Variants in RAPGEF6 observed in about 807,000 individuals in gnomAD.
RAPGEF6 encodes Rap guanine nucleotide exchange factor 6.
A neutral mutation model predicts 171.4 loss-of-function variants in RAPGEF6; 56 were observed. The ratio of observed to expected loss-of-function variants is 0.33; its 90% CI spans 0.26 to 0.41. The LOEUF is 0.41. RAPGEF6 is among the 10% of genes least tolerant of loss of function. The pLI is 1.00. For missense variants in RAPGEF6, 1,674 were observed against 1,921.4 expected (o/e 0.87, Z 2.41); for synonymous variants, 692 against 650.1 (o/e 1.06, Z -0.98).
At chr5:131,510,825 G>A (rs1757668611) in intron 7 of RAPGEF6, among the ~76,000 whole-genome samples, 1 of 152,150 alleles carries the variant, frequency 6.6e-6, no homozygotes, top group African/African-American at 2.4e-5. Context: ...ACTAAAACAT[G>A]AAGTACAGGA....
rs1267506091 is a variant in RAPGEF6 at position 131,592,448 on chromosome 5, T to A, written c.216A>T (p.Arg72Ser). ...ATCCAGAAAGTAGGATATACCAACA[T>A]CTGGCAATCGTTTCTGAACTGTTTA... ...QVLFCSETIA[R>S]CWYILLSGSV... is the part of the protein sequence containing the mutation. Residue 72 changes from arginine (R) to serine (S), a missense_variant, in exon 4 of 28, where the codon AGA becomes AGT. Arg to Ser is a moderately radical substitution (Grantham distance 110). Transcript: ENST00000509018. The A allele has an allele frequency of 6.2e-7, 1 of 1,613,760 alleles. No homozygotes were observed. The highest frequency in any genetic ancestry group is 1.3e-5 in the African/African-American group (1 of 75,038).
At chr5:131,440,077 A>G (rs1752278825) in intron 23 of RAPGEF6, 1 of 385,928 alleles carries the variant, frequency 2.6e-6, no homozygotes, top group Admixed American at 3.5e-5. Context: ...TCCCCTCTAG[A>G]GGTGGCCTCT....
At chr5:131,538,243 A>G (rs1759904403) in intron 6 of RAPGEF6, among the ~76,000 whole-genome samples, 1 of 152,196 alleles carries the variant, frequency 6.6e-6, no homozygotes, top group South Asian at 2.1e-4. Context: ...TTGCTTAACA[A>G]CTGGGGTACA....
chr5:131,599,517 C>T (rs1435448056), intron 3 of RAPGEF6, among the ~76,000 whole-genome samples: 1 of 150,092 alleles, frequency 6.7e-6, no homozygotes, highest in African/African-American at 2.4e-5. Context: ...CACACACACA[C>T]CTACACACAC....
chr5:131,442,099 G>C (rs1012304481), intron 23 of RAPGEF6, among the ~76,000 whole-genome samples: 1 of 152,162 alleles, frequency 6.6e-6, no homozygotes, highest in Admixed American at 6.5e-5. Context: ...TACCCAAAAT[G>C]TATTGCTGTA....
intron 24 of RAPGEF6, among the ~76,000 whole-genome samples, chr5:131,437,189 T>C (rs1752064258): frequency 6.6e-6 from 1 of 152,240 alleles, no homozygotes; most frequent in Non-Finnish European, 1.5e-5. Context: ...GAAGAATTTC[T>C]TCAGGCTTCT....
intron 7 of RAPGEF6, chr5:131,511,217 A>G (rs1757697781): frequency 6.6e-6 from 1 of 152,152 alleles, no homozygotes; most frequent in Non-Finnish European, 1.5e-5. Context: ...TTCATAGAAA[A>G]TAATGAAAAT....
intron 22 of RAPGEF6, among the ~76,000 whole-genome samples, chr5:131,443,903 G>C (rs1313421217): frequency 6.6e-6 from 1 of 152,218 alleles, no homozygotes; most frequent in South Asian, 2.1e-4. Flanking sequence ...ACCAGAGACA[G>C]TGCTTTTATA....
chr5:131,580,630 C>T (rs1762902886), intron 4 of RAPGEF6, among the ~76,000 whole-genome samples: 1 of 152,186 alleles, frequency 6.6e-6, no homozygotes, highest in African/African-American at 2.4e-5. Context: ...TGTGTTTTCT[C>T]ATACACCATG....
chr5:131,555,248 T>C (rs1761160120), intron 5 of RAPGEF6, among the ~76,000 whole-genome samples: 1 of 152,194 alleles, frequency 6.6e-6, no homozygotes, highest in African/African-American at 2.4e-5. Flanking sequence ...TTTGTTATCC[T>C]TTTAGAGGGG....
intron 26 of RAPGEF6, 157 bp downstream of exon 26, chr5:131,430,702 C>A: frequency 1.9e-6 from 2 of 1,066,290 alleles, no homozygotes; most frequent in Non-Finnish European, 2.9e-6. Context: ...TTTGAGAAAC[C>A]ATGAATTTTT....
rs192836064 is a variant in RAPGEF6, at chr5:131,623,998, G to C, written c.69+10964C>G. 3.2e-3 allele frequency among the ~76,000 whole-genome samples: 489 copies of C among 152,290 alleles called. 3 individuals carry two copies. Among genetic ancestry groups the C allele is most frequent in the African/African-American group, 0.011 (465 of 41,562 alleles). On this transcript the variant is annotated intron_variant, in intron 1 of 27. Coordinates refer to ENST00000509018, the MANE Select transcript of RAPGEF6 (RefSeq NM_016340.6). Reference sequence around the variant, plus strand: ...TCTAGGAACACAGAGGAGTGGAAAAGTGAGGAAGGAAGGATGCACAATTCT... The same window carrying C: ...TCTAGGAACACAGAGGAGTGGAAAACTGAGGAAGGAAGGATGCACAATTCT...
chr5:131,629,601 A>G (rs1219053592), intron 1 of RAPGEF6, among the ~76,000 whole-genome samples: 1 of 151,210 alleles, frequency 6.6e-6, no homozygotes, highest in African/African-American at 2.4e-5. Context: ...AAAAAAAAAA[A>G]AAAAATCAGC....
intron 6 of RAPGEF6, among the ~76,000 whole-genome samples, chr5:131,532,560 C>T (rs919211232): frequency 6.6e-6 from 1 of 152,038 alleles, no homozygotes; most frequent in East Asian, 1.9e-4. Context: ...TTTGTCTTTT[C>T]TTCAACTTAT....
chr5:131,430,217 C>A (rs1751613498), intron 26 of RAPGEF6, among the ~76,000 whole-genome samples: 1 of 151,834 alleles, frequency 6.6e-6, no homozygotes, highest in Non-Finnish European at 1.5e-5. Flanking sequence ...GATATTAATT[C>A]AAAGTAGAGT....
At chr5:131,467,941 G>A in intron 17 of RAPGEF6, among the ~76,000 whole-genome samples, 1 of 151,984 alleles carries the variant, frequency 6.6e-6, no homozygotes, top group African/African-American at 2.4e-5. Context: ...TGAGGTGGGA[G>A]GATCACTTGG....
In RAPGEF6 at chr5:131,428,993, T is replaced by C. The variant is rs1751534862; in HGVS notation, c.4689A>G (p.Pro1563=). Residue 1563 remains proline (P), a synonymous_variant, in exon 27 of 28, where the codon CCA becomes CCG. Coordinates refer to ENST00000509018, the MANE Select transcript of RAPGEF6 (RefSeq NM_016340.6). ...TCTGAGGCTGAGTTACAATCTTCGA[T>C]GGAACACAGGCCACGAGGTTGCTAC... The part of the protein sequence containing the change: ...SLSSNLVACV[P]SKIVTQPQRH... 1.9e-6 allele frequency: 3 copies of C among 1,614,088 alleles called. No individual in the cohort carries two copies. The highest frequency in any genetic ancestry group is 2.5e-6 in the Non-Finnish European group (3 of 1,180,036).
chr5:131,495,760 C>A (rs1055022412), intron 12 of RAPGEF6, 100 bp from the exon 13 acceptor site: 1 of 1,428,452 alleles, frequency 7.0e-7, no homozygotes, highest in Non-Finnish European at 9.3e-7. Flanking sequence ...GAACTGACAA[C>A]CCTCTTGTTC....
At chr5:131,465,085 C>T (rs1754237653) in intron 17 of RAPGEF6, among the ~76,000 whole-genome samples, 1 of 151,804 alleles carries the variant, frequency 6.6e-6, no homozygotes, top group Non-Finnish European at 1.5e-5. Flanking sequence ...TTTGGTATCC[C>T]TTATGTTTTT....
Sources: allele counts gnomAD v4.1 joint callset (sites outside exome capture counted in the v4.1 genomes callset), GRCh38; gene constraint gnomAD v4.1.1; transcripts MANE v1.5; gene names NCBI Gene and HGNC (gene_info 2026-07-23, HGNC 2026-07-21).